ABCB4: variants seen among roughly 807,000 people sequenced by gnomAD.
The protein encoded by ABCB4 is ATP binding cassette subfamily B member 4.
In ABCB4, 76 loss-of-function variants were observed where a neutral mutation model predicts 145.7. That is an observed-to-expected ratio of 0.52 (90% CI 0.43 to 0.63). ABCB4 has a LOEUF of 0.63. Among genes scored for constraint, ABCB4 ranks in the 30% least tolerant of loss-of-function variants. ABCB4 has a pLI of 0.00. For synonymous variants in ABCB4, 517 were observed against 566.8 expected (o/e 0.91, Z 1.25); for missense variants, 1,234 against 1,553.1 (o/e 0.79, Z 3.45).
In ABCB4 at chr7:87,475,679, C is replaced by G. The variant is rs1224031229; in HGVS notation, c.-52G>C. ...GGCAGGGCCTCTGGACGCGCGGGCG[C>G]TGCAGCAGAGGGGCCTGGACTTTGC... is the stretch of plus-strand genomic sequence containing the variant. On this transcript the variant is annotated 5_prime_UTR_variant, in exon 1 of 28. Transcript: ENST00000649586. The G allele has an allele frequency of 1.7e-6, 1 of 598,398 alleles. No homozygotes were observed. The highest frequency in any genetic ancestry group is 1.9e-5 in the African/African-American group (1 of 53,692). The allele number at this position is 598,398 out of a possible 1,614,324, so 37.1% of individuals were successfully genotyped here. A position where few individuals can be genotyped will look rare whatever the true frequency, so the allele number is the denominator to read the frequency against.
At chr7:87,387,334 A>G in the ABCB4 span, among the ~76,000 whole-genome samples, 1 of 152,032 alleles carries the variant, frequency 6.6e-6, no homozygotes. Context: ...AATTATCAGT[A>G]AATTTGTGTT....
the ABCB4 span, among the ~76,000 whole-genome samples, chr7:87,367,665 G>A: frequency 6.6e-6 from 1 of 152,088 alleles, no homozygotes; most frequent in African/African-American, 2.4e-5. Flanking sequence ...CTATATCTGT[G>A]CTGAGTCCCG....
the ABCB4 span, chr7:87,392,860 G>A: frequency 1.2e-6 from 2 of 1,608,546 alleles, no homozygotes; most frequent in Non-Finnish European, 1.7e-6. Context: ...TCATCAATTG[G>A]CTTCCTCTTT....
At chr7:87,406,119 T>C in intron 26 of ABCB4, 169 bp downstream of exon 26, 1 of 686,334 alleles carries the variant, frequency 1.5e-6, no homozygotes, top group Non-Finnish European at 2.6e-6. Context: ...GTAGGCATAA[T>C]GTATTCCCAT....
rs45480293 is a variant in ABCB4 at position 87,451,954 on chromosome 7, C to T, written c.537-160G>A. On this transcript the variant is annotated intron_variant, in intron 6 of 27. Coordinates refer to ENST00000649586, the MANE Select transcript of ABCB4 (RefSeq NM_000443.4). ...AATAACATCTTCCCCACCTAAACACCGCACAAAGGAAGAAATTCAGGATTG... is the reference window on the plus strand; with the variant it reads ...AATAACATCTTCCCCACCTAAACACTGCACAAAGGAAGAAATTCAGGATTG... 3,534 of 699,762 alleles carry T rather than the reference C, an allele frequency of 5.1e-3. 82 individuals carry two copies. In the African/African-American group the frequency reaches 0.051, roughly 10 times the overall value. 43.3% of individuals were successfully genotyped at this position (699,762 alleles called of 1,614,324 possible).
At chr7:87,436,758 T>C (rs144450850) in intron 14 of ABCB4, among the ~76,000 whole-genome samples, 2 of 152,306 alleles carry the variant, frequency 1.3e-5, no homozygotes, top group Admixed American at 1.3e-4. Context: ...TGGCTGCATG[T>C]CAGAATTGCT....
At chr7:87,448,162 AC>A (rs1811469003) in intron 8 of ABCB4, among the ~76,000 whole-genome samples, 1 of 152,116 alleles carries the variant, frequency 6.6e-6, no homozygotes, top group Admixed American at 6.6e-5. Flanking sequence ...TTCATACTAG[AC>A]CCAGAGGGTA....
At chr7:87,383,535 G>A in the ABCB4 span, among the ~76,000 whole-genome samples, 4 of 145,516 alleles carry the variant, frequency 2.7e-5, no homozygotes, top group East Asian at 4.0e-4. Flanking sequence ...TTGCTCTGTC[G>A]CCCAGGTTGG....
chr7:87,396,322 G>T, the ABCB4 span, among the ~76,000 whole-genome samples: 2 of 152,158 alleles, frequency 1.3e-5, no homozygotes, highest in Admixed American at 6.6e-5. Context: ...ATTAACAGAA[G>T]GTGACTTGAA....
At chr7:87,400,357 T>C (rs1476094511), downstream of ABCB4, among the ~76,000 whole-genome samples, 1 of 152,242 alleles carries the variant, frequency 6.6e-6, no homozygotes, top group Non-Finnish European at 1.5e-5. Context: ...ACTGATTCTA[T>C]ACATCCCTTT....
chr7:87,421,548 G>A (rs1055173951), intron 18 of ABCB4, among the ~76,000 whole-genome samples: 2 of 152,174 alleles, frequency 1.3e-5, no homozygotes, highest in Non-Finnish European at 2.9e-5. Flanking sequence ...GCATGACTAG[G>A]AAACACTATT....
At chr7:87,429,532 C>T (rs1414163621) in intron 15 of ABCB4, among the ~76,000 whole-genome samples, 3 of 152,184 alleles carry the variant, frequency 2.0e-5, no homozygotes, top group Admixed American at 1.3e-4. Context: ...CTGATGGAAG[C>T]AGAGGTCATT....
At chr7:87,456,663 C>T (rs1055271476) in intron 4 of ABCB4, among the ~76,000 whole-genome samples, 3 of 152,140 alleles carry the variant, frequency 2.0e-5, no homozygotes, top group Non-Finnish European at 2.9e-5. Flanking sequence ...CTCAGGTATT[C>T]CTTCCTAGCA....
At chr7:87,368,978 A>G in the ABCB4 span, among the ~76,000 whole-genome samples, 1 of 152,246 alleles carries the variant, frequency 6.6e-6, no homozygotes, top group Admixed American at 6.5e-5. Flanking sequence ...CAATTAAATT[A>G]TCTGATGAGT....
intron 4 of ABCB4, among the ~76,000 whole-genome samples, chr7:87,461,049 G>C (rs992209384): frequency 1.3e-5 from 2 of 152,006 alleles, no homozygotes; most frequent in Non-Finnish European, 2.9e-5. Context: ...GGGTTCAAGC[G>C]ATTCCTCTGC....
At chr7:87,405,129 A>G (rs1808087543) in intron 26 of ABCB4, among the ~76,000 whole-genome samples, 1 of 152,218 alleles carries the variant, frequency 6.6e-6, no homozygotes, top group African/African-American at 2.4e-5. Context: ...CTATCCTTCA[A>G]CAGGTGAATG....
intron 9 of ABCB4, 25 bp from the exon 10 acceptor site, chr7:87,445,000 G>A (rs766945454): frequency 6.8e-7 from 1 of 1,469,384 alleles, no homozygotes; most frequent in South Asian, 1.1e-5. Flanking sequence ...ATGAGGAAAA[G>A]TTTAAGTCAC....
Position 87,402,267 on chromosome 7 carries a change from G to C in ABCB4, c.3669C>G (p.Gly1223=). ...GGTGAGCAATCACAATGCAGGTGCG[G>C]CCTTCTCTGGCTTTGTCCAGGGCTT... ...VQEALDKARE[G]RTCIVIAHRL... The change falls in exon 28 of 28, where the codon GGC becomes GGG. Residue 1223 remains glycine (G), a synonymous_variant. Transcript: ENST00000649586. 1 of 1,614,052 alleles carries C rather than the reference G, an allele frequency of 6.2e-7. No individual in the cohort carries two copies.
the ABCB4 span, among the ~76,000 whole-genome samples, chr7:87,380,949 C>A: frequency 2.0e-5 from 3 of 152,324 alleles, no homozygotes; most frequent in African/African-American, 7.2e-5. Flanking sequence ...ACTGCTCAGG[C>A]ATCTTATACT....
Sources: gnomAD v4.1 joint callset for allele counts (sites outside exome capture counted in the v4.1 genomes callset) on GRCh38, gnomAD v4.1.1 for gene constraint, MANE v1.5 for transcripts, NCBI Gene and HGNC (gene_info 2026-07-23, HGNC 2026-07-21) for gene names.